Variants in SRGAP1 observed in about 807,000 individuals in gnomAD.
SRGAP1 encodes the protein SLIT-ROBO Rho GTPase-activating protein 1.
Under a neutral mutation model 121.9 loss-of-function variants are expected in SRGAP1, and 43 were observed. The ratio of observed to expected loss-of-function variants is 0.35; its 90% CI spans 0.28 to 0.46. SRGAP1 has a LOEUF of 0.46. Ranked by LOEUF, SRGAP1 falls within the 20% of genes least tolerant of loss-of-function variation. SRGAP1 has a pLI of 1.00. For missense variants in SRGAP1, 1,102 were observed against 1,350.9 expected, an observed-to-expected ratio of 0.82 and a Z score of 2.89; for synonymous variants, 447 against 485.4, an observed-to-expected ratio of 0.92 and a Z score of 1.04.
chr12:63,974,870 G>A (rs2033051866), intron 1 of SRGAP1, among the ~76,000 whole-genome samples: 1 of 151,990 alleles, frequency 6.6e-6, no homozygotes, highest in South Asian at 2.1e-4. Context: ...GTTTATTTAA[G>A]GCATGACATT....
intron 1 of SRGAP1, among the ~76,000 whole-genome samples, chr12:63,977,952 A>C (rs2033136923): frequency 6.6e-6 from 1 of 152,160 alleles, no homozygotes; most frequent in Non-Finnish European, 1.5e-5. Flanking sequence ...TGTTTTATGC[A>C]GTTTTGGGGC....
intron 3 of SRGAP1, among the ~76,000 whole-genome samples, chr12:64,000,156 C>T (rs1255220035): frequency 6.6e-6 from 1 of 150,430 alleles, no homozygotes; most frequent in African/African-American, 2.5e-5. Context: ...CAAATGTGGA[C>T]AGTATTGTCT....
intron 3 of SRGAP1, among the ~76,000 whole-genome samples, chr12:63,992,928 C>T (rs1245219337): frequency 6.6e-6 from 1 of 152,086 alleles, no homozygotes; most frequent in Admixed American, 6.6e-5. Flanking sequence ...CATTGCTGAC[C>T]ACCTGGAAGG....
intron 14 of SRGAP1, among the ~76,000 whole-genome samples, chr12:64,095,586 T>C (rs1389415176): frequency 6.6e-6 from 1 of 152,110 alleles, no homozygotes; most frequent in African/African-American, 2.4e-5. Context: ...CTTCCCTTTT[T>C]CTTCTCACGG....
chr12:64,110,598 A>G (rs1240547014), intron 16 of SRGAP1, among the ~76,000 whole-genome samples: 2 of 152,218 alleles, frequency 1.3e-5, no homozygotes, highest in Non-Finnish European at 2.9e-5. Context: ...AGCCAGCACT[A>G]AAGACCCAGA....
chr12:64,135,899 G>A (rs1042905708), intron 21 of SRGAP1, among the ~76,000 whole-genome samples: 19 of 152,212 alleles, frequency 1.2e-4, no homozygotes, highest in East Asian at 3.8e-4. Context: ...ACAATAAGCC[G>A]TCTGCAGGCT....
At chr12:64,120,746 A>T (rs138794356) in intron 18 of SRGAP1, among the ~76,000 whole-genome samples, 2 of 152,302 alleles carry the variant, frequency 1.3e-5, no homozygotes, top group East Asian at 1.9e-4. Context: ...AAAAAAAATT[A>T]AAAAGCTTAA....
chr12:63,916,136 G>A (rs766961173), intron 1 of SRGAP1, among the ~76,000 whole-genome samples: 10 of 149,844 alleles, frequency 6.7e-5, no homozygotes, highest in African/African-American at 2.4e-4. Context: ...AGGCTAGAGC[G>A]ATCCTCCCAC....
At chr12:64,100,087 G>A (rs998779278) in intron 15 of SRGAP1, among the ~76,000 whole-genome samples, 2 of 152,158 alleles carry the variant, frequency 1.3e-5, no homozygotes, top group Non-Finnish European at 2.9e-5. Context: ...CATGTAAAGG[G>A]TTTCACATCA....
At chr12:63,926,064 C>T (rs2031250011) in intron 1 of SRGAP1, among the ~76,000 whole-genome samples, 1 of 152,164 alleles carries the variant, frequency 6.6e-6, no homozygotes, top group Non-Finnish European at 1.5e-5. Flanking sequence ...CCTTCTCTCT[C>T]AAATCCGCAA....
intron 1 of SRGAP1, among the ~76,000 whole-genome samples, chr12:63,937,606 C>T (rs913839049): frequency 2.6e-5 from 4 of 152,200 alleles, no homozygotes; most frequent in Non-Finnish European, 5.9e-5. Context: ...AAAGACTGAT[C>T]TCCCTTAGGA....
chr12:64,011,240 A>G (rs535947881), intron 3 of SRGAP1, among the ~76,000 whole-genome samples: 5 of 152,178 alleles, frequency 3.3e-5, no homozygotes, highest in East Asian at 1.9e-4. Context: ...CCTTTCAACA[A>G]TTTTAATCAG....
In SRGAP1 at chr12:64,142,932, C is replaced by T; in HGVS notation, c.*260C>T. The T allele has an allele frequency of 2.2e-6, 1 of 459,590 alleles. No homozygotes were observed. Among genetic ancestry groups the T allele is most frequent in the Non-Finnish European group, 3.9e-6 (1 of 255,670 alleles). 28.5% of individuals were successfully genotyped at this position (459,590 alleles called of 1,614,324 possible). On this transcript the variant is annotated 3_prime_UTR_variant, in exon 22 of 22. Transcript: ENST00000355086. Reference sequence around the variant, plus strand: ...AGACTTACTTGAAAATCCAATGCTGCACCACTTGTAATGAAGGCAACACCG... The same window carrying T: ...AGACTTACTTGAAAATCCAATGCTGTACCACTTGTAATGAAGGCAACACCG...
chr12:64,150,957 A>AAAAAAAAAAAAAAAAAAAG lies in SRGAP1; in HGVS notation c.*8288_*8289insAAAAAAAAAAAAAAAGAAA, dbSNP rs1475292870. 1 of 147,324 alleles carries AAAAAAAAAAAAAAAAAAAG rather than the reference A, an allele frequency of 6.8e-6. No individual in the cohort carries two copies. The highest frequency in any genetic ancestry group is 2.6e-5 in the African/African-American group (1 of 39,116). 9.1% of individuals were successfully genotyped at this position (147,324 alleles called of 1,614,324 possible). A position where few individuals can be genotyped will look rare whatever the true frequency, so the allele number is the denominator to read the frequency against. On this transcript the variant is annotated 3_prime_UTR_variant, in exon 22 of 22. Coordinates refer to ENST00000355086, the MANE Select transcript of SRGAP1 (RefSeq NM_020762.4). ...CTCAAAAAAAAAAAAAAAAAAAAAA[A>AAAAAAAAAAAAAAAAAAAG]AAACATGGTCAAGATTTGTAATAGA...
At chr12:63,939,466 A>G (rs146892930) in intron 1 of SRGAP1, among the ~76,000 whole-genome samples, 59 of 152,288 alleles carry the variant, frequency 3.9e-4, no homozygotes, top group African/African-American at 1.4e-3. Context: ...AAAATACAAA[A>G]GAACAAAAAT....
At chr12:63,932,492 A>G (rs1357968886) in intron 1 of SRGAP1, among the ~76,000 whole-genome samples, 1 of 152,232 alleles carries the variant, frequency 6.6e-6, no homozygotes, top group Non-Finnish European at 1.5e-5. Flanking sequence ...TTAAATTTCC[A>G]TCTGTTGCTG....
chr12:64,127,011 T>C (rs913418821), intron 19 of SRGAP1, among the ~76,000 whole-genome samples: 13 of 152,222 alleles, frequency 8.5e-5, no homozygotes, highest in African/African-American at 3.1e-4. Flanking sequence ...CAAATACTTG[T>C]TTACACCATT....
chr12:63,902,218 C>T (rs1476178658), intron 1 of SRGAP1, among the ~76,000 whole-genome samples: 2 of 152,164 alleles, frequency 1.3e-5, no homozygotes, highest in Non-Finnish European at 2.9e-5. Flanking sequence ...TAACCTTCCC[C>T]ATTCCAATGA....
At chr12:63,935,761 A>G (rs1379443906) in intron 1 of SRGAP1, among the ~76,000 whole-genome samples, 3 of 152,192 alleles carry the variant, frequency 2.0e-5, no homozygotes, top group South Asian at 2.1e-4. Context: ...TAATCCTCCA[A>G]AGAAATAGAG....
Sources: gnomAD v4.1 joint callset for allele counts (sites outside exome capture counted in the v4.1 genomes callset) on GRCh38, gnomAD v4.1.1 for gene constraint, MANE v1.5 for transcripts, NCBI Gene and HGNC (gene_info 2026-07-23, HGNC 2026-07-21) for gene names.